Variants in UBP1 observed in about 807,000 individuals in gnomAD.
The protein encoded by UBP1 is upstream binding protein 1, also known as upstream-binding protein 1.
In UBP1, 22 loss-of-function variants were observed where a neutral mutation model predicts 76.1. That is an observed-to-expected ratio of 0.29 (90% CI 0.21 to 0.41). The LOEUF (loss-of-function observed/expected upper bound fraction) is 0.41, where lower values mean the gene tolerates loss of function less well. UBP1 is among the 10% of genes least tolerant of loss of function. The pLI is 1.00. For missense variants in UBP1, 436 were observed against 668.1 expected, an observed-to-expected ratio of 0.65 and a Z score of 3.83; for synonymous variants, 224 against 237.1, an observed-to-expected ratio of 0.94 and a Z score of 0.51.
rs756048454 is a variant in UBP1 at position 33,400,962 on chromosome 3, T to C, written c.1086A>G (p.Glu362=). Residue 362 remains glutamate, a splice_region_variant and synonymous_variant, in exon 10 of 16, where the codon GAA becomes GAG. Transcript: ENST00000283629. ...ATAGTTTTAGGAGAAAGATACTTAC[T>C]TCACCAGAGGTCTGTGAAGCTCCAT... is the stretch of plus-strand genomic sequence containing the variant. The part of the protein sequence containing the change: ...QGDGASQTSG[E]QIQPSATIQE... 2 of 1,594,148 alleles carry C rather than the reference T, an allele frequency of 1.3e-6. No homozygotes were observed. Among genetic ancestry groups the C allele is most frequent in the Non-Finnish European group, 1.7e-6 (2 of 1,173,494 alleles).
chr3:33,395,750 G>GA (rs61654235), intron 13 of UBP1, among the ~76,000 whole-genome samples: 7,672 of 69,828 alleles, frequency 0.11, 252 homozygotes, highest in African/African-American at 0.14. Flanking sequence ...CAGGAAAATT[G>GA]AAAAAAAAAA....
chr3:33,395,244 C>T (rs920926091), intron 13 of UBP1, among the ~76,000 whole-genome samples: 12 of 151,950 alleles, frequency 7.9e-5, no homozygotes, highest in African/African-American at 2.9e-4. Context: ...TCCAATTTTT[C>T]AGTAAAATTC....
chr3:33,410,728 T>C (rs1262505975), intron 5 of UBP1, among the ~76,000 whole-genome samples: 1 of 152,146 alleles, frequency 6.6e-6, no homozygotes, highest in African/African-American at 2.4e-5. Flanking sequence ...ACTCATCTCT[T>C]AGAGACATGA....
intron 1 of UBP1, among the ~76,000 whole-genome samples, chr3:33,439,402 T>C (rs1024957019): frequency 2.0e-5 from 3 of 152,348 alleles, no homozygotes; most frequent in South Asian, 4.1e-4. Context: ...CTAGCTCCAA[T>C]GGGACTTGTA....
At chr3:33,423,007 A>G (rs761310332) in intron 2 of UBP1, among the ~76,000 whole-genome samples, 3 of 151,686 alleles carry the variant, frequency 2.0e-5, no homozygotes, top group Non-Finnish European at 4.4e-5. Context: ...AGGGTACATA[A>G]AAGTACAGTT....
rs754581679 is a variant in UBP1, at chr3:33,393,462, TAA to T, written c.1391-10_1391-9del. ...AGTAGATTGCATGATAAACTGAAAT[TAA>T]AAAAAAAAAAAGAAAAGCATTTTAA... On this transcript the variant is annotated splice_polypyrimidine_tract_variant and intron_variant, in intron 13 of 15. Coordinates refer to ENST00000283629, the MANE Select transcript of UBP1 (RefSeq NM_014517.5). 1.6e-3 allele frequency: 2,079 copies of T among 1,312,974 alleles called. No individual in the cohort carries two copies. The highest frequency in any genetic ancestry group is 3.3e-3 in the South Asian group (239 of 71,426). 81.3% of individuals were successfully genotyped at this position (1,312,974 alleles called of 1,614,324 possible).
In UBP1 at chr3:33,439,873, A is replaced by ACACCGCGGC; in HGVS notation, c.-34_-26dup. The ACACCGCGGC allele has an allele frequency of 6.2e-7, 1 of 1,609,060 alleles. No homozygotes were observed. Among genetic ancestry groups the ACACCGCGGC allele is most frequent in the Non-Finnish European group, 8.5e-7 (1 of 1,178,416 alleles). Reference sequence around the variant, plus strand: ...TCTTCCGGCCTCGCCGTCGCCCCGCACACCGCGGCCTCCGCGTCCAGGGCG... The same window carrying ACACCGCGGC: ...TCTTCCGGCCTCGCCGTCGCCCCGCACACCGCGGCCACCGCGGCCTCCGCGTCCAGGGCG... On this transcript the variant is annotated 5_prime_UTR_variant, in exon 1 of 16. Coordinates refer to ENST00000283629, the MANE Select transcript of UBP1 (RefSeq NM_014517.5).
chr3:33,424,171 A>G (rs2044969848), intron 2 of UBP1, among the ~76,000 whole-genome samples: 1 of 152,232 alleles, frequency 6.6e-6, no homozygotes, highest in Non-Finnish European at 1.5e-5. Flanking sequence ...AGATTACCAA[A>G]TAAGTTATTA....
chr3:33,432,348 G>A (rs1015228999), intron 1 of UBP1, among the ~76,000 whole-genome samples: 8 of 152,042 alleles, frequency 5.3e-5, no homozygotes, highest in African/African-American at 1.9e-4. Context: ...TTTTGGCAAA[G>A]TTTTTTAATT....
In UBP1 at chr3:33,427,343, T is replaced by G. The variant is rs545994344; in HGVS notation, c.114-1602A>C. Among the ~76,000 whole-genome samples the G allele has an allele frequency of 5.2e-5, 8 of 152,388 alleles. No homozygotes were observed. The East Asian group carries it at 1.5e-3, about 29-fold the overall frequency. On this transcript the variant is annotated intron_variant, in intron 1 of 15. Transcript: ENST00000283629. ...ATTTTACATTTCCCCTATTAATGTA[T>G]GGAAGGTGATTATTTGTTTTTGAGA...
Position 33,393,447 on chromosome 3 carries a change from A to G in UBP1, c.1398T>C (p.His466=), listed in dbSNP as rs200397467. The change falls in exon 14 of 16, where the codon CAT becomes CAC. Residue 466 remains histidine (H), a synonymous_variant. Transcript: ENST00000283629. ...ENGSGAPYVY[H]AIYLEEMIAS... is the part of the protein sequence containing the mutation. ...CAATCATTTCTTCCAAGTAGATTGCATGATAAACTGAAATTAAAAAAAAAA... is the reference window on the plus strand; with the variant it reads ...CAATCATTTCTTCCAAGTAGATTGCGTGATAAACTGAAATTAAAAAAAAAA... The G allele has an allele frequency of 1.3e-6, 2 of 1,593,178 alleles. No individual in the cohort carries two copies. The highest frequency in any genetic ancestry group is 2.2e-5 in the East Asian group (1 of 44,744).
Position 33,390,037 on chromosome 3 carries a change from AG to A in UBP1, c.*293del. On this transcript the variant is annotated 3_prime_UTR_variant, in exon 16 of 16. Transcript: ENST00000283629. ...TAAAAAGACAGCAAAGGCTGCTTCTAGGAACTGTATTTACTGGCCTCTGCCA... is the reference window on the plus strand; with the variant it reads ...TAAAAAGACAGCAAAGGCTGCTTCTAGAACTGTATTTACTGGCCTCTGCCA... 2.7e-6 allele frequency: 1 copy of A among 373,468 alleles called. No homozygotes were observed. The allele number at this position is 373,468 out of a possible 1,614,324, so 23.1% of individuals were successfully genotyped here.
chr3:33,412,715 C>T lies in UBP1; in HGVS notation c.448+7G>A. ...CATCTCCATGGTCTTTTGATCACTG[C>T]CTGTACCTAAATCAAGAAGTCTGTC... On this transcript the variant is annotated splice_region_variant and intron_variant, in intron 4 of 15. Coordinates refer to ENST00000283629, the MANE Select transcript of UBP1 (RefSeq NM_014517.5). The T allele has an allele frequency of 1.3e-6, 2 of 1,580,228 alleles. No homozygotes were observed. The highest frequency in any genetic ancestry group is 1.7e-6 in the Non-Finnish European group (2 of 1,149,004).
chr3:33,412,913 T>A, intron 3 of UBP1, 86 bp from the exon 4 acceptor site: 1 of 869,286 alleles, frequency 1.2e-6, no homozygotes, highest in Non-Finnish European at 2.0e-6. Flanking sequence ...TGTTAACCTG[T>A]AGCAGTAGAA....
At chr3:33,417,118 G>C (rs2044749234) in intron 2 of UBP1, among the ~76,000 whole-genome samples, 1 of 152,080 alleles carries the variant, frequency 6.6e-6, no homozygotes, top group Non-Finnish European at 1.5e-5. Flanking sequence ...ACTAATTTTT[G>C]TAACAGCTTT....
At position 33,417,338 on chromosome 3, in the gene UBP1, C is replaced by T. The variant is rs182471149; in HGVS notation, c.266-504G>A. On this transcript the variant is annotated intron_variant, in intron 2 of 15. Transcript: ENST00000283629. ...CTAGCGATCACCAATCCACTTTCTG[C>T]CTCTACGATTTGCCCACTCTGGATA... is the stretch of plus-strand genomic sequence containing the variant. Among the ~76,000 whole-genome samples, 26 of 151,222 alleles carry T rather than the reference C, an allele frequency of 1.7e-4. No individual in the cohort carries two copies. The East Asian group carries it at 4.7e-3, about 27-fold the overall frequency.
chr3:33,426,000 T>TAA (rs2045006853), intron 1 of UBP1, among the ~76,000 whole-genome samples: 1 of 48,834 alleles, frequency 2.0e-5, no homozygotes, highest in African/African-American at 8.9e-5. Context: ...GCTCTGAATA[T>TAA]ATATATATAT....
chr3:33,390,200 G>C lies in UBP1; in HGVS notation c.*131C>G. The stretch of plus-strand genomic sequence containing the variant: ...CACCTCTCATACAGCTCATTAGAAA[G>C]GTCATCTTGTGTTTTCAATATGAAA... On this transcript the variant is annotated 3_prime_UTR_variant, in exon 16 of 16. Transcript: ENST00000283629. 1 of 880,746 alleles carries C rather than the reference G, an allele frequency of 1.1e-6. No homozygotes were observed. Among genetic ancestry groups the C allele is most frequent in the East Asian group, 2.6e-5 (1 of 38,134 alleles). 54.6% of individuals were successfully genotyped at this position (880,746 alleles called of 1,614,324 possible).
chr3:33,408,447 T>C (rs1409826552), intron 8 of UBP1, among the ~76,000 whole-genome samples: 1 of 152,110 alleles, frequency 6.6e-6, no homozygotes, highest in Non-Finnish European at 1.5e-5. Context: ...TGAGTGTCTT[T>C]TTTTCCCTCC....
Sources: gnomAD v4.1 joint callset for allele counts (sites outside exome capture counted in the v4.1 genomes callset) on GRCh38, gnomAD v4.1.1 for gene constraint, MANE v1.5 for transcripts, NCBI Gene and HGNC (gene_info 2026-07-23, HGNC 2026-07-21) for gene names.